GMPR: variants seen among roughly 807,000 people sequenced by gnomAD.
GMPR encodes the protein GMP reductase 1.
A neutral mutation model predicts 38.4 loss-of-function variants in GMPR; 31 were observed. The ratio of observed to expected loss-of-function variants is 0.81; its 90% CI spans 0.61 to 1.09. GMPR has a LOEUF of 1.09. Ranked by LOEUF, GMPR falls within the 50% of genes least tolerant of loss-of-function variation. The pLI is 0.00. For synonymous variants in GMPR, 162 were observed against 173.3 expected, an observed-to-expected ratio of 0.93 and a Z score of 0.51; for missense variants, 468 against 453.7, an observed-to-expected ratio of 1.03 and a Z score of -0.29.
chr6:16,247,248 A>C (rs1163197170), intron 2 of GMPR, among the ~76,000 whole-genome samples: 3 of 152,232 alleles, frequency 2.0e-5, no homozygotes, highest in Admixed American at 6.5e-5. Flanking sequence ...TATTGCAGAA[A>C]AGTGACAACC....
In GMPR at chr6:16,295,385, T is replaced by C; in HGVS notation, c.*199T>C. 2.2e-6 allele frequency: 1 copy of C among 457,140 alleles called. No homozygotes were observed. Among genetic ancestry groups the C allele is most frequent in the Non-Finnish European group, 3.8e-6 (1 of 264,662 alleles). The allele number at this position is 457,140 out of a possible 1,614,324, so 28.3% of individuals were successfully genotyped here. On this transcript the variant is annotated 3_prime_UTR_variant, in exon 9 of 9. Transcript: ENST00000259727. ...CGGGGCCCAGACGCAAGGCACCGAT[T>C]GGGCCAACATCAGAGCCCTGCTGCC...
In GMPR at chr6:16,266,719, G is replaced by C. The variant is rs1759246149; in HGVS notation, c.466-7696G>C. On this transcript the variant is annotated intron_variant, in intron 4 of 8. Transcript: ENST00000259727. ...CCAGCTACTCGGGAGGCTGAGGCAG[G>C]AGAATTGCATGAACCTGGGAGGGGG... is the stretch of plus-strand genomic sequence containing the variant. Among the ~76,000 whole-genome samples the C allele has an allele frequency of 2.0e-5, 3 of 151,858 alleles. No individual in the cohort carries two copies. The South Asian group carries it at 6.2e-4, about 32-fold the overall frequency.
chr6:16,249,166 ATTTTTTT>A (rs11292107), intron 2 of GMPR, among the ~76,000 whole-genome samples: 2 of 96,468 alleles, frequency 2.1e-5, no homozygotes, highest in African/African-American at 4.5e-5. Context: ...ACATTTTGTA[ATTTTTTT>A]TTTTTTTTTT....
chr6:16,247,958 A>G (rs546033165), intron 2 of GMPR, among the ~76,000 whole-genome samples: 4 of 152,214 alleles, frequency 2.6e-5, no homozygotes, highest in East Asian at 3.9e-4. Context: ...GGCTGGGCAT[A>G]GTGGCTCACA....
chr6:16,276,173 A>AAGAC (rs1456402235), intron 5 of GMPR, among the ~76,000 whole-genome samples: 1 of 152,036 alleles, frequency 6.6e-6, no homozygotes, highest in Admixed American at 6.6e-5. Context: ...CTTGGCTCTC[A>AAGAC]AAGCTTTATT....
Position 16,262,790 on chromosome 6 carries a change from C to G in GMPR, c.465+8055C>G, listed in dbSNP as rs562104414. On this transcript the variant is annotated intron_variant, in intron 4 of 8. Transcript: ENST00000259727. The stretch of plus-strand genomic sequence containing the variant: ...GCTGCCAAACGAGCCATGAACTGGG[C>G]TGGATTTTTATATTTGATGAAAAAG... The G allele has an allele frequency of 6.5e-4, 99 of 152,100 alleles. 1 individual carries two copies. The highest frequency in any genetic ancestry group is 2.3e-3 in the African/African-American group (97 of 41,524). 9.4% of individuals were successfully genotyped at this position (152,100 alleles called of 1,614,324 possible). A position where few individuals can be genotyped will look rare whatever the true frequency, so the allele number is the denominator to read the frequency against.
intron 4 of GMPR, among the ~76,000 whole-genome samples, chr6:16,267,207 CAAA>C (rs762696740): frequency 2.1e-4 from 32 of 151,478 alleles, no homozygotes; most frequent in Non-Finnish European, 3.1e-4. Context: ...ACTAAAAGTA[CAAA>C]AAAAAGAAAA....
chr6:16,250,863 G>C (rs1328237963), intron 3 of GMPR, among the ~76,000 whole-genome samples: 1 of 150,220 alleles, frequency 6.7e-6, no homozygotes, highest in Non-Finnish European at 1.5e-5. Context: ...TCAACATAGT[G>C]AGGGGTCTCT....
chr6:16,266,481 G>A (rs898154267), intron 4 of GMPR, among the ~76,000 whole-genome samples: 2 of 111,014 alleles, frequency 1.8e-5, no homozygotes, highest in African/African-American at 6.9e-5. Flanking sequence ...CTGTGGAAAA[G>A]GTGGCACGTC....
At chr6:16,269,700 G>A (rs1434405036) in intron 4 of GMPR, among the ~76,000 whole-genome samples, 2 of 152,200 alleles carry the variant, frequency 1.3e-5, no homozygotes, top group African/African-American at 2.4e-5. Context: ...GGGAGGCTGA[G>A]GTGGGAGGAT....
At chr6:16,252,663 G>C (rs1201210343) in intron 3 of GMPR, among the ~76,000 whole-genome samples, 2 of 152,158 alleles carry the variant, frequency 1.3e-5, no homozygotes, top group African/African-American at 2.4e-5. Flanking sequence ...GAATTCAAAA[G>C]GGATAATGTT....
intron 4 of GMPR, among the ~76,000 whole-genome samples, chr6:16,269,824 C>G (rs757876461): frequency 2.0e-5 from 3 of 152,126 alleles, no homozygotes; most frequent in East Asian, 1.9e-4. Flanking sequence ...TAATACAAAT[C>G]AGAAGTTTAT....
At chr6:16,265,819 A>G (rs189635365) in intron 4 of GMPR, among the ~76,000 whole-genome samples, 2 of 152,304 alleles carry the variant, frequency 1.3e-5, no homozygotes, top group Admixed American at 6.5e-5. Context: ...GAACCCTTCC[A>G]CGCCATGGAG....
Position 16,238,734 on chromosome 6 carries a change from A to T in GMPR, c.41A>T (p.Asp14Val), listed in dbSNP as rs1427919397. Residue 14 changes from aspartate (D) to valine (V), a missense_variant, in exon 1 of 9, where the codon GAT (aspartate) becomes GTT (valine). Coordinates refer to ENST00000259727, the MANE Select transcript of GMPR (RefSeq NM_006877.4). ...GCGGACCTCAAGCTCGACTTCAAGG[A>T]TGTCCTGCTCCGACCTAAGCGGAGC... Reference protein sequence around the residue: ...IDADLKLDFKDVLLRPKRSSL... With the variant: ...IDADLKLDFKVVLLRPKRSSL... The T allele has an allele frequency of 1.4e-6, 2 of 1,458,146 alleles. No homozygotes were observed. Among genetic ancestry groups the T allele is most frequent in the South Asian group, 2.7e-5 (2 of 72,832 alleles). 90.3% of individuals were successfully genotyped at this position (1,458,146 alleles called of 1,614,324 possible). A position where few individuals can be genotyped will look rare whatever the true frequency, so the allele number is the denominator to read the frequency against.
At chr6:16,289,189 C>CT (rs1200638346) in intron 7 of GMPR, among the ~76,000 whole-genome samples, 2 of 152,204 alleles carry the variant, frequency 1.3e-5, no homozygotes, top group Non-Finnish European at 2.9e-5. Context: ...TGAGCTAGCG[C>CT]AGACCCCAAC....
chr6:16,280,344 C>T (rs1445628286), intron 6 of GMPR, among the ~76,000 whole-genome samples: 3 of 152,090 alleles, frequency 2.0e-5, no homozygotes, highest in Non-Finnish European at 4.4e-5. Flanking sequence ...TGCCTGGGCC[C>T]CTTCTAATGC....
chr6:16,266,386 G>A (rs1263989289), intron 4 of GMPR, among the ~76,000 whole-genome samples: 10 of 130,390 alleles, frequency 7.7e-5, no homozygotes, highest in African/African-American at 1.7e-4. Flanking sequence ...GTGGCACGTC[G>A]GACGTGCCAC....
At chr6:16,260,533 C>G (rs914121330) in intron 4 of GMPR, among the ~76,000 whole-genome samples, 3 of 151,892 alleles carry the variant, frequency 2.0e-5, no homozygotes, top group Non-Finnish European at 4.4e-5. Flanking sequence ...GGCAAATCCT[C>G]GAGCTTGATG....
intron 1 of GMPR, 140 bp downstream of exon 1, chr6:16,238,920 G>A (rs1417337758): frequency 1.1e-5 from 4 of 368,508 alleles, no homozygotes; most frequent in Non-Finnish European, 2.0e-5. Flanking sequence ...CCGTTCCCGC[G>A]CCCCAGCACC....
Sources: allele counts gnomAD v4.1 joint callset (sites outside exome capture counted in the v4.1 genomes callset), GRCh38; gene constraint gnomAD v4.1.1; transcripts MANE v1.5; gene names NCBI Gene and HGNC (gene_info 2026-07-23, HGNC 2026-07-21).